The following ELOVL7 variants were observed in gnomAD, a reference collection of about 807,000 sequenced individuals.
ELOVL7 encodes very long chain fatty acid elongase 7.
In ELOVL7, 27 loss-of-function variants were observed where a neutral mutation model predicts 35.7. The observed-to-expected ratio is 0.76, with a 90% confidence interval of 0.56 to 1.04. ELOVL7 has a LOEUF of 1.04. Among genes scored for constraint, ELOVL7 ranks in the 50% least tolerant of loss-of-function variants. The pLI is 0.00. For missense variants in ELOVL7, 327 were observed against 340.8 expected (o/e 0.96, Z 0.32); for synonymous variants, 113 against 114.6 (o/e 0.99, Z 0.09).
intron 1 of ELOVL7, among the ~76,000 whole-genome samples, chr5:60,809,495 G>A (rs189276014): frequency 7.4e-4 from 113 of 152,318 alleles, no homozygotes; most frequent in Non-Finnish European, 1.4e-3. Context: ...CCAATAAAGA[G>A]TTGGACCCAA....
chr5:60,790,055 T>C (rs7722204), intron 2 of ELOVL7, among the ~76,000 whole-genome samples: 2,624 of 152,154 alleles, frequency 0.017, 87 homozygotes, highest in African/African-American at 0.06. Context: ...GGGAATCGCT[T>C]GAACCTGGGA....
intron 7 of ELOVL7, among the ~76,000 whole-genome samples, chr5:60,763,311 C>A (rs971590180): frequency 6.6e-6 from 1 of 152,180 alleles, no homozygotes; most frequent in Admixed American, 6.5e-5. Context: ...TCCATGTCCT[C>A]CCATGCTCTG....
Position 60,753,250 on chromosome 5 carries a change from T to C in ELOVL7, c.*1374A>G, listed in dbSNP as rs1270835256. On this transcript the variant is annotated 3_prime_UTR_variant, in exon 9 of 9. Coordinates refer to ENST00000508821, the MANE Select transcript of ELOVL7 (RefSeq NM_024930.3). ...AGGGAAAAATTCACAAATGTCCAAA[T>C]ATTATTTCATGGACAAAACTCTACT... is the stretch of plus-strand genomic sequence containing the variant. 15 of 152,086 alleles carry C rather than the reference T, an allele frequency of 9.9e-5. No homozygotes were observed. The highest frequency in any genetic ancestry group is 9.8e-4 in the Admixed American group (15 of 15,266). The allele number at this position is 152,086 out of a possible 1,614,324, so 9.4% of individuals were successfully genotyped here.
chr5:60,810,016 G>GA (rs1579893701), intron 1 of ELOVL7, among the ~76,000 whole-genome samples: 1 of 152,058 alleles, frequency 6.6e-6, no homozygotes, highest in East Asian at 1.9e-4. Flanking sequence ...TGGGCTACAG[G>GA]AAAAAATGAC....
At chr5:60,763,520 A>G (rs762291700) in intron 7 of ELOVL7, among the ~76,000 whole-genome samples, 3 of 152,144 alleles carry the variant, frequency 2.0e-5, no homozygotes, top group Non-Finnish European at 4.4e-5. Flanking sequence ...AAATCCCCCA[A>G]CCAAATTTTC....
chr5:60,755,170 A>G (rs758500955), intron 8 of ELOVL7, among the ~76,000 whole-genome samples: 1 of 152,228 alleles, frequency 6.6e-6, no homozygotes, highest in African/African-American at 2.4e-5. Flanking sequence ...CTTGACTATG[A>G]TGAAATGACC....
intron 8 of ELOVL7, 48 bp from the exon 9 acceptor site, chr5:60,754,881 A>T (rs13156137): frequency 6.7e-7 from 1 of 1,499,308 alleles, no homozygotes; most frequent in Non-Finnish European, 9.2e-7. Context: ...TGAAGAGTTA[A>T]CAATTCTTTA....
intron 1 of ELOVL7, among the ~76,000 whole-genome samples, chr5:60,830,237 A>C (rs1746402978): frequency 6.6e-6 from 1 of 152,232 alleles, no homozygotes. Context: ...GGATACAGTG[A>C]GATCCCTGCT....
chr5:60,813,057 A>G (rs1284665971), intron 1 of ELOVL7, among the ~76,000 whole-genome samples: 1 of 152,166 alleles, frequency 6.6e-6, no homozygotes, highest in Non-Finnish European at 1.5e-5. Flanking sequence ...AATAAACATT[A>G]TAATTTGGAT....
rs549902503 is a variant in ELOVL7, at chr5:60,751,972, T to A, written c.*2652A>T. 60 of 152,252 alleles carry A rather than the reference T, an allele frequency of 3.9e-4. No homozygotes were observed. Among genetic ancestry groups the A allele is most frequent in the African/African-American group, 1.4e-3 (59 of 41,564 alleles). 9.4% of individuals were successfully genotyped at this position (152,252 alleles called of 1,614,324 possible). A position where few individuals can be genotyped will look rare whatever the true frequency, so the allele number is the denominator to read the frequency against. On this transcript the variant is annotated 3_prime_UTR_variant, in exon 9 of 9. Transcript: ENST00000508821. ...GCAAAGTCCCATAGATATTTAAAAA[T>A]CTATATTTGTATTTATTTATAATAT...
intron 2 of ELOVL7, among the ~76,000 whole-genome samples, chr5:60,788,166 G>C (rs1187489571): frequency 1.3e-5 from 2 of 152,100 alleles, no homozygotes; most frequent in East Asian, 1.9e-4. Context: ...TGAAAATTGA[G>C]AACTATATTT....
intron 1 of ELOVL7, among the ~76,000 whole-genome samples, chr5:60,833,060 G>T (rs1746581753): frequency 6.6e-6 from 1 of 152,158 alleles, no homozygotes; most frequent in Non-Finnish European, 1.5e-5. Context: ...ACCTCTGTAG[G>T]AGTAATTAAT....
At position 60,753,344 on chromosome 5, in the gene ELOVL7, A is replaced by C. The variant is rs1158254664; in HGVS notation, c.*1280T>G. 3 of 152,352 alleles carry C rather than the reference A, an allele frequency of 2.0e-5. No individual in the cohort carries two copies. Among genetic ancestry groups the C allele is most frequent in the African/African-American group, 7.2e-5 (3 of 41,590 alleles). The allele number at this position is 152,352 out of a possible 1,614,324, so 9.4% of individuals were successfully genotyped here. A position where few individuals can be genotyped will look rare whatever the true frequency, so the allele number is the denominator to read the frequency against. ...AGAAAGAAACTAGCAATTTTAAAGAAACAAAGTGTATGCCAAACGAATTTC... is the reference window on the plus strand; with the variant it reads ...AGAAAGAAACTAGCAATTTTAAAGACACAAAGTGTATGCCAAACGAATTTC... On this transcript the variant is annotated 3_prime_UTR_variant, in exon 9 of 9. Transcript: ENST00000508821.
intron 1 of ELOVL7, among the ~76,000 whole-genome samples, chr5:60,813,696 T>C (rs1745364057): frequency 1.3e-5 from 2 of 152,090 alleles, no homozygotes; most frequent in South Asian, 2.1e-4. Flanking sequence ...AGAGAACACT[T>C]GTTAAAAGAC....
chr5:60,760,821 G>A (rs1741865868), intron 7 of ELOVL7, among the ~76,000 whole-genome samples: 1 of 152,106 alleles, frequency 6.6e-6, no homozygotes, highest in South Asian at 2.1e-4. Flanking sequence ...TTTGTATCAG[G>A]TGTAAGGAAG....
rs551673763 is a variant in ELOVL7 at position 60,835,989 on chromosome 5, C to A, written c.-86+8171G>T. Among the ~76,000 whole-genome samples, 21 of 152,090 alleles carry A rather than the reference C, an allele frequency of 1.4e-4. 1 individual carries two copies. The highest frequency in any genetic ancestry group is 5.1e-4 in the African/African-American group (21 of 41,356). On this transcript the variant is annotated intron_variant, in intron 1 of 8. Transcript: ENST00000508821. ...CACTGTTCATCATGCCTGGGCACCA[C>A]CCCATGTGCTTATAGGGAAATGAAG... is the stretch of plus-strand genomic sequence containing the variant.
chr5:60,817,258 C>G (rs1745566845), intron 1 of ELOVL7, among the ~76,000 whole-genome samples: 2 of 149,752 alleles, frequency 1.3e-5, no homozygotes, highest in South Asian at 2.1e-4. Flanking sequence ...AATTTCTCAG[C>G]AGAGAAATGA....
chr5:60,841,349 G>C (rs368350110), intron 1 of ELOVL7, among the ~76,000 whole-genome samples: 3 of 152,140 alleles, frequency 2.0e-5, no homozygotes, highest in African/African-American at 7.2e-5. Flanking sequence ...ATACTATATG[G>C]AGTATGATGA....
intron 4 of ELOVL7, among the ~76,000 whole-genome samples, chr5:60,768,381 G>T (rs917939873): frequency 3.3e-5 from 5 of 152,214 alleles, no homozygotes; most frequent in African/African-American, 1.2e-4. Flanking sequence ...GTACTCATAA[G>T]ATAGCTGCGA....
Sources: gnomAD v4.1 joint callset for allele counts (sites outside exome capture counted in the v4.1 genomes callset) on GRCh38, gnomAD v4.1.1 for gene constraint, MANE v1.5 for transcripts, NCBI Gene and HGNC (gene_info 2026-07-23, HGNC 2026-07-21) for gene names.